Variants in RALGAPA2 observed in about 807,000 individuals in gnomAD.
RALGAPA2 encodes the protein Ral GTPase activating protein catalytic subunit alpha 2, also known as ral GTPase-activating protein subunit alpha-2.
RALGAPA2 carries 139 observed loss-of-function variants against 230.4 expected under a neutral mutation model. The ratio of observed to expected loss-of-function variants is 0.60; its 90% CI spans 0.53 to 0.69. The LOEUF is 0.69. Among genes scored for constraint, RALGAPA2 ranks in the 30% least tolerant of loss-of-function variants. RALGAPA2 has a pLI of 0.00. For synonymous variants in RALGAPA2, 847 were observed against 837.8 expected (o/e 1.01, Z -0.19); for missense variants, 2,163 against 2,276.0 (o/e 0.95, Z 1.01).
chr20:20,666,317 A>C (rs1462536359), intron 3 of RALGAPA2, among the ~76,000 whole-genome samples: 1 of 152,256 alleles, frequency 6.6e-6, no homozygotes, highest in Non-Finnish European at 1.5e-5. Flanking sequence ...CAGTGACCAA[A>C]GAGCTGCATT....
At chr20:20,489,672 G>A (rs2062001342) in intron 36 of RALGAPA2, among the ~76,000 whole-genome samples, 2 of 152,104 alleles carry the variant, frequency 1.3e-5, no homozygotes, top group Admixed American at 1.3e-4. Context: ...TTGGGGCAAT[G>A]AGCGCTCTTT....
chr20:20,452,483 G>A (rs2061009052), intron 37 of RALGAPA2, among the ~76,000 whole-genome samples: 1 of 152,252 alleles, frequency 6.6e-6, no homozygotes, highest in African/African-American at 2.4e-5. Context: ...CTGACAGGCA[G>A]CCACGTGGGT....
rs73901541 is a variant in RALGAPA2, at chr20:20,476,905, C to T, written c.5368-3949G>A. On this transcript the variant is annotated intron_variant, in intron 36 of 39. Coordinates refer to ENST00000202677, the MANE Select transcript of RALGAPA2 (RefSeq NM_020343.4). ...CACAGTAACGAAAATGAACAAACCA[C>T]AACTACATGTAACATCATGAAAATA... Among the ~76,000 whole-genome samples the T allele has an allele frequency of 3.2e-3, 494 of 152,152 alleles. 3 individuals are homozygous for T. The highest frequency in any genetic ancestry group is 0.011 in the African/African-American group (473 of 41,516).
chr20:20,643,536 C>A lies in RALGAPA2; in HGVS notation c.342G>T (p.Lys114Asn). Residue 114 changes from lysine (K) to asparagine (N), a missense_variant, in exon 5 of 40, where the codon AAG becomes AAT. Coordinates refer to ENST00000202677, the MANE Select transcript of RALGAPA2 (RefSeq NM_020343.4). ...WHYQSIGSTLKKLLHTGNSIK... is the reference protein window; with the variant it reads ...WHYQSIGSTLNKLLHTGNSIK... ...TAGAATTTCCAGTGTGTAGAAGCTTCTTTAAAGTTGAGCCTGAAAGTTTAA... is the reference window on the plus strand; with the variant it reads ...TAGAATTTCCAGTGTGTAGAAGCTTATTTAAAGTTGAGCCTGAAAGTTTAA... 1 of 1,470,542 alleles carries A rather than the reference C, an allele frequency of 6.8e-7. No individual in the cohort carries two copies. The highest frequency in any genetic ancestry group is 2.2e-5 in the Admixed American group (1 of 46,028). 91.1% of individuals were successfully genotyped at this position (1,470,542 alleles called of 1,614,324 possible). A position where few individuals can be genotyped will look rare whatever the true frequency, so the allele number is the denominator to read the frequency against.
chr20:20,605,505 CAA>C, intron 14 of RALGAPA2, 93 bp from the exon 15 acceptor site: 1 of 938,236 alleles, frequency 1.1e-6, no homozygotes, highest in South Asian at 1.8e-5. Flanking sequence ...ATTAATAACA[CAA>C]ATTTTAAAAT....
intron 37 of RALGAPA2, among the ~76,000 whole-genome samples, chr20:20,470,236 G>A (rs985837366): frequency 3.9e-5 from 6 of 152,114 alleles, no homozygotes; most frequent in Non-Finnish European, 8.8e-5. Context: ...CCCATCCTTA[G>A]CTTAATTAGA....
At chr20:20,514,504 C>A (rs996798573) in intron 31 of RALGAPA2, among the ~76,000 whole-genome samples, 3 of 152,104 alleles carry the variant, frequency 2.0e-5, no homozygotes, top group Admixed American at 2.0e-4. Context: ...GATGGATCTC[C>A]AGGTATTCGG....
chr20:20,461,999 G>A (rs951175139), intron 37 of RALGAPA2, among the ~76,000 whole-genome samples: 3 of 152,318 alleles, frequency 2.0e-5, no homozygotes, highest in Middle Eastern at 3.4e-3. Flanking sequence ...GTGCTGGAGA[G>A]TTTAAACAAG....
At chr20:20,646,534 G>T (rs932033877) in intron 4 of RALGAPA2, among the ~76,000 whole-genome samples, 10 of 152,112 alleles carry the variant, frequency 6.6e-5, no homozygotes, top group Admixed American at 3.3e-4. Context: ...AAGTAAATAA[G>T]ATCTAATTAC....
intron 23 of RALGAPA2, among the ~76,000 whole-genome samples, chr20:20,561,644 A>C (rs2064261288): frequency 2.0e-5 from 3 of 152,046 alleles, no homozygotes; most frequent in South Asian, 4.2e-4. Flanking sequence ...TGAAACATTG[A>C]CTCTCTTAAT....
chr20:20,557,910 C>T (rs947218482), intron 23 of RALGAPA2, among the ~76,000 whole-genome samples: 1 of 152,104 alleles, frequency 6.6e-6, no homozygotes, highest in African/African-American at 2.4e-5. Context: ...CTGTTCCTTA[C>T]AGGAAGGGAA....
intron 26 of RALGAPA2, among the ~76,000 whole-genome samples, chr20:20,533,679 G>A (rs1416397808): frequency 6.6e-6 from 1 of 152,024 alleles, no homozygotes; most frequent in Non-Finnish European, 1.5e-5. Flanking sequence ...ACAAAGAACT[G>A]GGCATTCATT....
chr20:20,667,036 C>G (rs919754030), intron 3 of RALGAPA2, among the ~76,000 whole-genome samples: 6 of 152,208 alleles, frequency 3.9e-5, no homozygotes, highest in Admixed American at 2.6e-4. Flanking sequence ...CTATTAGTAT[C>G]TGAAGTAAAA....
intron 20 of RALGAPA2, among the ~76,000 whole-genome samples, chr20:20,579,886 C>T (rs1002143994): frequency 9.9e-5 from 15 of 152,130 alleles, no homozygotes; most frequent in African/African-American, 3.6e-4. Context: ...TCTGTGTGCA[C>T]TCAGTGCTAT....
chr20:20,589,503 C>T, intron 17 of RALGAPA2, 138 bp from the exon 18 acceptor site: 1 of 900,178 alleles, frequency 1.1e-6, no homozygotes, highest in Non-Finnish European at 1.6e-6. Context: ...ATGGGCCTGG[C>T]AAAACAGCAG....
intron 23 of RALGAPA2, among the ~76,000 whole-genome samples, chr20:20,551,387 T>A (rs1000750579): frequency 1.3e-5 from 2 of 152,216 alleles, no homozygotes; most frequent in Non-Finnish European, 2.9e-5. Context: ...CTGCAAAATG[T>A]TGCAATATAG....
rs1478722259 is a variant in RALGAPA2, at chr20:20,712,625, G to GCCGCCGCCGCCGCCT, written c.-146_-145insAGGCGGCGGCGGCGG. 2 of 1,185,816 alleles carry GCCGCCGCCGCCGCCT rather than the reference G, an allele frequency of 1.7e-6. No homozygotes were observed. The highest frequency in any genetic ancestry group is 9.2e-5 in the Admixed American group (2 of 21,770). 73.5% of individuals were successfully genotyped at this position (1,185,816 alleles called of 1,614,324 possible). A position where few individuals can be genotyped will look rare whatever the true frequency, so the allele number is the denominator to read the frequency against. On this transcript the variant is annotated 5_prime_UTR_variant, in exon 1 of 40. Transcript: ENST00000202677. This position sits in a 1 kb window ranked among gnomAD's most constrained non-coding sequence, Gnocchi z 5.5. Reference sequence around the variant, plus strand: ...TGCTGCCGCCGCCGCCGCCGCCGCCGCCGCCTCAGCTGTGTCTCCAGGAAG... The same window carrying GCCGCCGCCGCCGCCT: ...TGCTGCCGCCGCCGCCGCCGCCGCCGCCGCCGCCGCCGCCTCCGCCTCAGCTGTGTCTCCAGGAAG...
chr20:20,663,979 A>G (rs1457778947), intron 3 of RALGAPA2, among the ~76,000 whole-genome samples: 2 of 152,244 alleles, frequency 1.3e-5, no homozygotes, highest in Non-Finnish European at 2.9e-5. Flanking sequence ...GACCACTGCT[A>G]AGTGACTGAC....
intron 1 of RALGAPA2, among the ~76,000 whole-genome samples, chr20:20,691,192 C>A (rs1013553105): frequency 6.6e-5 from 10 of 152,280 alleles, no homozygotes; most frequent in African/African-American, 2.2e-4. Context: ...CTAAGTCCAA[C>A]AACTCTTCAA....
Sources: allele counts gnomAD v4.1 joint callset (sites outside exome capture counted in the v4.1 genomes callset), GRCh38; gene constraint gnomAD v4.1.1; non-coding constraint Gnocchi (gnomAD v3.1); transcripts MANE v1.5; gene names NCBI Gene and HGNC (gene_info 2026-07-23, HGNC 2026-07-21).